FAM135B: variants seen among roughly 807,000 people sequenced by gnomAD.
FAM135B encodes protein FAM135B.
A neutral mutation model predicts 127.7 loss-of-function variants in FAM135B; 43 were observed. The ratio of observed to expected loss-of-function variants is 0.34; its 90% CI spans 0.26 to 0.43. The LOEUF is 0.43. Ranked by LOEUF, FAM135B falls within the 20% of genes least tolerant of loss-of-function variation. The pLI, the probability that FAM135B is intolerant of heterozygous loss-of-function variation, is 1.00. For missense variants in FAM135B, 1,558 were observed against 1,725.6 expected (o/e 0.90, Z 1.72); for synonymous variants, 670 against 665.1 (o/e 1.01, Z -0.11).
At position 138,404,932 on chromosome 8, in the gene FAM135B, A is replaced by G. The variant is rs144631763; in HGVS notation, c.-19-36930T>C. 2.3e-4 allele frequency among the ~76,000 whole-genome samples: 35 copies of G among 152,264 alleles called. 1 individual carries two copies. In the East Asian group the frequency reaches 6.8e-3, roughly 29 times the overall value. ...AACGTTGATATTTTTACCTCCTCCC[A>G]TGAATCACCAATGTTCTTAATGGCA... On this transcript the variant is annotated intron_variant, in intron 1 of 19. Transcript: ENST00000395297.
chr8:138,139,505 G>A (rs1257987057), intron 17 of FAM135B, among the ~76,000 whole-genome samples: 1 of 152,210 alleles, frequency 6.6e-6, no homozygotes, highest in Non-Finnish European at 1.5e-5. Flanking sequence ...GGGCATGGTG[G>A]CTCATGCCTG....
At chr8:138,447,262 C>G (rs1204323126) in intron 1 of FAM135B, among the ~76,000 whole-genome samples, 4 of 152,116 alleles carry the variant, frequency 2.6e-5, no homozygotes, top group Non-Finnish European at 5.9e-5. Flanking sequence ...CCTCAGGGAT[C>G]TAGAACTAGA....
At chr8:138,411,065 G>A (rs10103761) in intron 1 of FAM135B, among the ~76,000 whole-genome samples, 4 of 98,362 alleles carry the variant, frequency 4.1e-5, no homozygotes, top group Non-Finnish European at 8.5e-5. Context: ...CCATACTGCC[G>A]AAGGTAATTT....
intron 7 of FAM135B, among the ~76,000 whole-genome samples, chr8:138,224,707 G>T (rs60474690): frequency 1.3e-5 from 2 of 152,112 alleles, no homozygotes; most frequent in Non-Finnish European, 2.9e-5. Context: ...AGTCTTATTC[G>T]GAGGTAAGGC....
At chr8:138,427,702 T>C (rs1834974681) in intron 1 of FAM135B, among the ~76,000 whole-genome samples, 1 of 152,152 alleles carries the variant, frequency 6.6e-6, no homozygotes, top group Non-Finnish European at 1.5e-5. Flanking sequence ...TCTAAACACA[T>C]TACATAACAT....
Position 138,151,706 on chromosome 8 carries a change from G to A in FAM135B, c.2769C>T (p.Ile923=), listed in dbSNP as rs1266943456. The A allele has an allele frequency of 2.5e-6, 4 of 1,614,194 alleles. No individual in the cohort carries two copies. The highest frequency in any genetic ancestry group is 2.5e-6 in the Non-Finnish European group (3 of 1,180,038). The part of the protein sequence containing the change: ...VGQQALSNSG[I]SEVEGLSQHQ... ...GTTGAGAGAGACCCTCAACCTCTGA[G>A]ATGCCACTGTTGGAAAGAGCTTGCT... Residue 923 remains isoleucine, a synonymous_variant, in exon 13 of 20, where the codon ATC becomes ATT. Transcript: ENST00000395297.
intron 4 of FAM135B, among the ~76,000 whole-genome samples, chr8:138,258,671 G>A (rs1457712610): frequency 6.6e-6 from 1 of 152,076 alleles, no homozygotes; most frequent in African/African-American, 2.4e-5. Flanking sequence ...AATTGAGCTG[G>A]GCTATGACTT....
intron 1 of FAM135B, among the ~76,000 whole-genome samples, chr8:138,473,695 G>GT (rs1814208802): frequency 1.3e-5 from 2 of 152,138 alleles, no homozygotes; most frequent in Non-Finnish European, 2.9e-5. Context: ...TAATGCACTG[G>GT]TAATTCGCTA....
At chr8:138,270,515 G>A (rs544569604) in intron 3 of FAM135B, among the ~76,000 whole-genome samples, 1 of 152,182 alleles carries the variant, frequency 6.6e-6, no homozygotes, top group African/African-American at 2.4e-5. Flanking sequence ...GCAATATCTT[G>A]GTTCACTGTG....
chr8:138,304,496 G>A (rs1826096808), intron 3 of FAM135B, among the ~76,000 whole-genome samples: 1 of 152,202 alleles, frequency 6.6e-6, no homozygotes. Context: ...TCTGACAGGG[G>A]CAGGAGACTG....
rs76735062 is a variant in FAM135B at position 138,195,864 on chromosome 8, G to C, written c.824-557C>G. 1.8e-3 allele frequency among the ~76,000 whole-genome samples: 267 copies of C among 152,280 alleles called. 2 individuals carry two copies. Among genetic ancestry groups the C allele is most frequent in the African/African-American group, 5.4e-3 (226 of 41,566 alleles). On this transcript the variant is annotated intron_variant, in intron 8 of 19. Transcript: ENST00000395297. ...AATGGTCACAGTTGTGACTGGGTTT[G>C]AACTTTCCTCTGGTTCCATGATGCT... is the stretch of plus-strand genomic sequence containing the variant.
At chr8:138,314,970 T>C (rs1826972274) in intron 2 of FAM135B, among the ~76,000 whole-genome samples, 1 of 149,350 alleles carries the variant, frequency 6.7e-6, no homozygotes, top group South Asian at 2.1e-4. Flanking sequence ...ACAAAAGATA[T>C]TAAACAGCTA....
intron 2 of FAM135B, among the ~76,000 whole-genome samples, chr8:138,351,284 A>C (rs1416983032): frequency 6.6e-6 from 1 of 151,876 alleles, no homozygotes; most frequent in Non-Finnish European, 1.5e-5. Context: ...CAATAGAGTT[A>C]AAACAAGGCC....
intron 1 of FAM135B, among the ~76,000 whole-genome samples, chr8:138,403,045 C>T (rs1025950162): frequency 2.0e-5 from 3 of 152,170 alleles, no homozygotes; most frequent in African/African-American, 4.8e-5. Flanking sequence ...CAAATCAGCT[C>T]GTACCTTGAT....
At chr8:138,197,469 G>C (rs1001853334) in intron 8 of FAM135B, 47 bp downstream of exon 8, 5 of 1,587,300 alleles carry the variant, frequency 3.1e-6, no homozygotes, top group Non-Finnish European at 4.3e-6. Context: ...GTGTGGAGGA[G>C]GCACATGAGC....
intron 2 of FAM135B, among the ~76,000 whole-genome samples, chr8:138,337,271 G>T (rs1302583809): frequency 6.6e-6 from 1 of 151,164 alleles, no homozygotes; most frequent in East Asian, 1.9e-4. Context: ...AATTAGGCAG[G>T]AGAAGGAAAT....
chr8:138,386,996 T>G (rs1184430729), intron 1 of FAM135B, among the ~76,000 whole-genome samples: 1 of 152,112 alleles, frequency 6.6e-6, no homozygotes, highest in African/African-American at 2.4e-5. Flanking sequence ...CTTCATCTCT[T>G]GAAGGTATAG....
At chr8:138,306,081 T>G (rs62529149) in intron 3 of FAM135B, among the ~76,000 whole-genome samples, 2,180 of 152,254 alleles carry the variant, frequency 0.014, 34 homozygotes, top group Non-Finnish European at 0.021. Flanking sequence ...TTATGTTCTG[T>G]TCTATCTGCA....
rs137922569 is a variant in FAM135B at position 138,139,722 on chromosome 8, C to T, written c.3791-626G>A. ...CAGAGCTTGCAGTGAGTCGAGATTG[C>T]ACCATTGCATTCCAGCCTGGGCGAC... On this transcript the variant is annotated intron_variant, in intron 17 of 19. Coordinates refer to ENST00000395297, the MANE Select transcript of FAM135B (RefSeq NM_015912.4). Among the ~76,000 whole-genome samples the T allele has an allele frequency of 1.8e-3, 270 of 152,232 alleles. 3 individuals are homozygous for T. Among genetic ancestry groups the T allele is most frequent in the African/African-American group, 5.9e-3 (244 of 41,536 alleles).
Sources: allele counts gnomAD v4.1 joint callset (sites outside exome capture counted in the v4.1 genomes callset), GRCh38; gene constraint gnomAD v4.1.1; transcripts MANE v1.5; gene names NCBI Gene and HGNC (gene_info 2026-07-23, HGNC 2026-07-21).